Variants in PDZD2 observed in about 807,000 individuals in gnomAD.
PDZD2 encodes PDZ domain-containing protein 2.
A neutral mutation model predicts 220.7 loss-of-function variants in PDZD2; 90 were observed. The observed-to-expected ratio is 0.41, with a 90% CI of 0.34 to 0.49. The LOEUF (loss-of-function observed/expected upper bound fraction) is 0.49, where lower values mean the gene tolerates loss of function less well. Ranked by LOEUF, PDZD2 falls within the 20% of genes least tolerant of loss-of-function variation. The pLI, the probability that PDZD2 is intolerant of heterozygous loss-of-function variation, is 0.28. For synonymous variants in PDZD2, 1,375 were observed against 1,450.5 expected (o/e 0.95, Z 1.18); for missense variants, 3,174 against 3,608.5 (o/e 0.88, Z 3.08).
At chr5:31,835,617 C>A (rs79769724) in intron 2 of PDZD2, among the ~76,000 whole-genome samples, 6 of 142,896 alleles carry the variant, frequency 4.2e-5, no homozygotes, top group Non-Finnish European at 3.0e-5. Flanking sequence ...CACTCCATCT[C>A]AAAAAAAAAA....
intron 2 of PDZD2, among the ~76,000 whole-genome samples, chr5:31,941,432 C>T (rs1746207121): frequency 6.6e-6 from 1 of 152,130 alleles, no homozygotes; most frequent in African/African-American, 2.4e-5. Context: ...CAATAAAGAC[C>T]TGGAGGGGAA....
chr5:31,777,773 G>C (rs1464438792), intron 1 of PDZD2, among the ~76,000 whole-genome samples: 2 of 152,236 alleles, frequency 1.3e-5, no homozygotes, highest in African/African-American at 4.8e-5. Context: ...AACACTCTGT[G>C]TCTAGCTTGG....
intron 3 of PDZD2, among the ~76,000 whole-genome samples, chr5:31,984,522 T>A (rs1750557924): frequency 6.6e-6 from 1 of 152,084 alleles, no homozygotes; most frequent in African/African-American, 2.4e-5. Flanking sequence ...AAAGAGAAAG[T>A]TATAAAGATC....
intron 14 of PDZD2, among the ~76,000 whole-genome samples, chr5:32,063,505 G>A (rs7713212): frequency 0.043 from 6,534 of 152,242 alleles, 447 homozygotes; most frequent in African/African-American, 0.15. Flanking sequence ...GGTGAATTGG[G>A]ATGGGTGTGG....
intron 6 of PDZD2, among the ~76,000 whole-genome samples, chr5:32,035,232 GCTTA>G (rs1247555774): frequency 1.3e-5 from 2 of 151,854 alleles, no homozygotes; most frequent in African/African-American, 4.8e-5. Flanking sequence ...TACTCTAACT[GCTTA>G]CTTTATACGT....
intron 5 of PDZD2, among the ~76,000 whole-genome samples, chr5:32,001,469 C>T (rs1581246334): frequency 6.6e-6 from 1 of 152,128 alleles, no homozygotes. Context: ...TGGCCACTAC[C>T]GTCTTGCAGA....
Position 32,109,370 on chromosome 5 carries a change from G to GAAGA in PDZD2, c.*1236_*1239dup, listed in dbSNP as rs1745142838. 1 of 152,170 alleles carries GAAGA rather than the reference G, an allele frequency of 6.6e-6. No individual in the cohort carries two copies. Among genetic ancestry groups the GAAGA allele is most frequent in the Non-Finnish European group, 1.5e-5 (1 of 68,042 alleles). 9.4% of individuals were successfully genotyped at this position (152,170 alleles called of 1,614,324 possible). Reference sequence around the variant, plus strand: ...CTTTTGCCAAAAATGTTTTCCTACAGAAGACTGTCGTGACTCACGCTACTT... The same window carrying GAAGA: ...CTTTTGCCAAAAATGTTTTCCTACAGAAGAAAGACTGTCGTGACTCACGCTACTT... On this transcript the variant is annotated 3_prime_UTR_variant, in exon 25 of 25. Coordinates refer to ENST00000438447, the MANE Select transcript of PDZD2 (RefSeq NM_178140.4).
chr5:31,661,785 G>GTTTTTTTTTTTT (rs5867089), intron 1 of PDZD2, among the ~76,000 whole-genome samples: 5 of 141,806 alleles, frequency 3.5e-5, no homozygotes, highest in Non-Finnish European at 3.0e-5. Flanking sequence ...TCCTCCCTTG[G>GTTTTTTTTTTTT]TTTTTTTTTT....
intron 24 of PDZD2, among the ~76,000 whole-genome samples, chr5:32,104,344 G>C (rs538722877): frequency 2.0e-5 from 3 of 151,880 alleles, no homozygotes; most frequent in Non-Finnish European, 4.4e-5. Flanking sequence ...TACAGAACAA[G>C]CATTTGAATA....
intron 1 of PDZD2, among the ~76,000 whole-genome samples, chr5:31,728,569 C>G (rs1207595554): frequency 1.3e-5 from 2 of 152,136 alleles, no homozygotes; most frequent in African/African-American, 2.4e-5. Flanking sequence ...TGACCACATT[C>G]GATCTGATGC....
intron 1 of PDZD2, among the ~76,000 whole-genome samples, chr5:31,721,218 C>T (rs1045054404): frequency 2.6e-5 from 4 of 152,126 alleles, no homozygotes; most frequent in African/African-American, 4.8e-5. Flanking sequence ...AGAACAAGGA[C>T]CCTCACTGTC....
Position 32,073,781 on chromosome 5 carries a change from C to T in PDZD2, c.2726-51C>T, listed in dbSNP as rs146379255. 1,032 of 1,211,906 alleles carry T rather than the reference C, an allele frequency of 8.5e-4. 8 individuals carry two copies. The highest frequency in any genetic ancestry group is 3.3e-4 in the Non-Finnish European group (279 of 845,416). The allele number at this position is 1,211,906 out of a possible 1,614,324, so 75.1% of individuals were successfully genotyped here. A position where few individuals can be genotyped will look rare whatever the true frequency, so the allele number is the denominator to read the frequency against. ...GATGGGGTCAGATGATAAGACAGGG[C>T]CAAGTGGGAAGCTCAATTTCACTTG... On this transcript the variant is annotated intron_variant, in intron 17 of 24. Transcript: ENST00000438447.
At chr5:31,808,620 G>A (rs10472785) in intron 2 of PDZD2, among the ~76,000 whole-genome samples, 16,048 of 152,220 alleles carry the variant, frequency 0.11, 960 homozygotes, top group African/African-American at 0.15. Context: ...TTAGAGAAGA[G>A]TGACGCCTAG....
intron 5 of PDZD2, among the ~76,000 whole-genome samples, chr5:32,009,511 T>G (rs1180221573): frequency 6.7e-6 from 1 of 150,188 alleles, no homozygotes; most frequent in African/African-American, 2.5e-5. Flanking sequence ...GAGAATGGCT[T>G]GAGCCCAGGA....
chr5:32,071,558 A>C, intron 16 of PDZD2, 140 bp downstream of exon 16: 1 of 709,588 alleles, frequency 1.4e-6, no homozygotes, highest in South Asian at 1.6e-5. Context: ...AAATCGCAAC[A>C]ATGCTCATTT....
chr5:31,848,926 G>A (rs1757756730), intron 2 of PDZD2, among the ~76,000 whole-genome samples: 1 of 151,964 alleles, frequency 6.6e-6, no homozygotes, highest in Non-Finnish European at 1.5e-5. Context: ...GCAGGCGCCT[G>A]TAGTCCCAGG....
intron 1 of PDZD2, among the ~76,000 whole-genome samples, chr5:31,653,058 G>C (rs1197406589): frequency 6.6e-6 from 1 of 152,046 alleles, no homozygotes; most frequent in Non-Finnish European, 1.5e-5. Context: ...TGAGCCTCCT[G>C]AACCTCACTT....
Position 31,662,837 on chromosome 5 carries a change from A to G in PDZD2, c.-361+23400A>G, listed in dbSNP as rs145093024. Among the ~76,000 whole-genome samples, 70 of 152,248 alleles carry G rather than the reference A, an allele frequency of 4.6e-4. 1 individual carries two copies. Among genetic ancestry groups the G allele is most frequent in the African/African-American group, 1.4e-3 (58 of 41,566 alleles). ...AGTAGAGACGGGGTTTCACCGTGTT[A>G]GCCAGGATGGTCTTGATCTCCTGAC... On this transcript the variant is annotated intron_variant, in intron 1 of 24. Transcript: ENST00000438447.
chr5:31,649,453 A>C (rs1421215751), intron 1 of PDZD2, among the ~76,000 whole-genome samples: 1 of 151,622 alleles, frequency 6.6e-6, no homozygotes, highest in Non-Finnish European at 1.5e-5. Context: ...AGGAAACAGG[A>C]CCACCCCCAG....
Sources: gnomAD v4.1 joint callset for allele counts (sites outside exome capture counted in the v4.1 genomes callset) on GRCh38, gnomAD v4.1.1 for gene constraint, MANE v1.5 for transcripts, NCBI Gene and HGNC (gene_info 2026-07-23, HGNC 2026-07-21) for gene names.